Variants in TSEN2 observed in about 807,000 individuals in gnomAD.
The protein encoded by TSEN2 is tRNA splicing endonuclease subunit 2.
In TSEN2, 54 loss-of-function variants were observed where a neutral mutation model predicts 59.2. That is an observed-to-expected ratio of 0.91 (90% confidence interval 0.73 to 1.14). The LOEUF (loss-of-function observed/expected upper bound fraction) is 1.14. TSEN2 is among the 50% of genes most tolerant of loss of function. The pLI, the probability that TSEN2 is intolerant of heterozygous loss-of-function variation, is 0.00. For synonymous variants in TSEN2, 195 were observed against 198.2 expected, an observed-to-expected ratio of 0.98 and a Z score of 0.14; for missense variants, 636 against 576.2, an observed-to-expected ratio of 1.10 and a Z score of -1.06.
chr3:12,528,746 G>C (rs2057270162), intron 8 of TSEN2, 142 bp from the exon 9 acceptor site: 1 of 822,712 alleles, frequency 1.2e-6, no homozygotes. Context: ...GCATATTGCA[G>C]ATGATCTGTC....
chr3:12,526,209 G>GA (rs147499153), intron 8 of TSEN2, among the ~76,000 whole-genome samples: 286 of 152,080 alleles, frequency 1.9e-3, no homozygotes, highest in African/African-American at 6.5e-3. Context: ...TCTAAAGACA[G>GA]AAAAAAAGTG....
intron 2 of TSEN2, among the ~76,000 whole-genome samples, chr3:12,490,832 A>G (rs2053144179): frequency 6.6e-6 from 1 of 152,178 alleles, no homozygotes; most frequent in Non-Finnish European, 1.5e-5. Flanking sequence ...GACACTTGAT[A>G]GAAGAGTGGG....
intron 5 of TSEN2, 94 bp from the exon 6 acceptor site, chr3:12,505,060 G>A: frequency 3.7e-6 from 3 of 800,252 alleles, no homozygotes; most frequent in East Asian, 5.3e-5. Context: ...TGAATCCTGG[G>A]AATTTATAAG....
chr3:12,531,266 C>T (rs992509545), intron 10 of TSEN2: 7 of 313,094 alleles, frequency 2.2e-5, no homozygotes, highest in African/African-American at 8.6e-5. Context: ...ACTTAAAGTC[C>T]GTGTCCAAGA....
intron 8 of TSEN2, among the ~76,000 whole-genome samples, chr3:12,526,342 G>A (rs757834732): frequency 3.9e-5 from 6 of 152,100 alleles, no homozygotes; most frequent in East Asian, 1.9e-4. Context: ...ACAGGTATAC[G>A]GGTTTTCTCT....
intron 4 of TSEN2, among the ~76,000 whole-genome samples, chr3:12,498,350 G>A (rs922757514): frequency 1.4e-4 from 21 of 152,292 alleles, no homozygotes; most frequent in Admixed American, 3.3e-4. Context: ...TCACTAATAA[G>A]CAGGCCTGGC....
chr3:12,511,626 G>T (rs113101031), intron 6 of TSEN2, among the ~76,000 whole-genome samples: 1 of 150,836 alleles, frequency 6.6e-6, no homozygotes, highest in Non-Finnish European at 1.5e-5. Flanking sequence ...CAGTGCAGTG[G>T]TACAATATTG....
chr3:12,495,126 CAAAAAAAAAA>C (rs1160986136), intron 3 of TSEN2, among the ~76,000 whole-genome samples: 6 of 68,714 alleles, frequency 8.7e-5, no homozygotes, highest in Admixed American at 3.8e-4. Flanking sequence ...ACTCCGTCTC[CAAAAAAAAAA>C]AAAAAAAAAA....
chr3:12,530,780 A>G (rs2057406323), intron 10 of TSEN2: 1 of 983,714 alleles, frequency 1.0e-6, no homozygotes, highest in Non-Finnish European at 1.2e-6. Context: ...CTCACTTAAC[A>G]TTGTTGATAT....
At chr3:12,502,755 A>AAC (rs897849839) in intron 4 of TSEN2, among the ~76,000 whole-genome samples, 4 of 151,106 alleles carry the variant, frequency 2.6e-5, no homozygotes, top group Admixed American at 6.6e-5. Context: ...AACAAGAAGT[A>AAC]ACATATGCTT....
chr3:12,532,491 G>A (rs1423588894), intron 11 of TSEN2, among the ~76,000 whole-genome samples, 171 bp from the exon 12 acceptor site: 1 of 152,134 alleles, frequency 6.6e-6, no homozygotes, highest in Admixed American at 6.6e-5. Context: ...ATGCTTGTAA[G>A]GTTTATATTG....
chr3:12,519,527 C>T (rs184891408), intron 8 of TSEN2, among the ~76,000 whole-genome samples: 5 of 152,236 alleles, frequency 3.3e-5, no homozygotes, highest in East Asian at 1.9e-4. Flanking sequence ...GGGTGGATCA[C>T]GAGGTCAGGA....
chr3:12,504,658 GA>G (rs1396636481), intron 5 of TSEN2, among the ~76,000 whole-genome samples: 7 of 152,124 alleles, frequency 4.6e-5, no homozygotes, highest in Admixed American at 4.6e-4. Flanking sequence ...ATTCACAGGG[GA>G]AAAAGGAAAT....
chr3:12,510,134 T>C (rs2055278178), intron 6 of TSEN2, among the ~76,000 whole-genome samples: 1 of 152,224 alleles, frequency 6.6e-6, no homozygotes. Context: ...ACCATTGAAT[T>C]GAGGTATATC....
At chr3:12,495,126 C>CA (rs1160986136) in intron 3 of TSEN2, among the ~76,000 whole-genome samples, 843 of 68,066 alleles carry the variant, frequency 0.012, 15 homozygotes, top group Middle Eastern at 0.041. Flanking sequence ...ACTCCGTCTC[C>CA]AAAAAAAAAA....
intron 10 of TSEN2, chr3:12,538,689 G>T: frequency 6.4e-6 from 1 of 155,654 alleles, no homozygotes; most frequent in Non-Finnish European, 1.4e-5. Flanking sequence ...TCTGGAAGAA[G>T]TTTCCAAAGA....
At chr3:12,510,879 A>G (rs1370763289) in intron 6 of TSEN2, among the ~76,000 whole-genome samples, 1 of 152,212 alleles carries the variant, frequency 6.6e-6, no homozygotes, top group Non-Finnish European at 1.5e-5. Context: ...TAGCAAGAAT[A>G]TATACTTACA....
chr3:12,502,884 C>T (rs985807678), intron 4 of TSEN2, among the ~76,000 whole-genome samples: 1 of 151,640 alleles, frequency 6.6e-6, no homozygotes, highest in African/African-American at 2.4e-5. Context: ...CCATCCTGGC[C>T]AATATAGTGA....
At chr3:12,530,264 T>C in intron 10 of TSEN2, 1 of 1,006,742 alleles carries the variant, frequency 9.9e-7, no homozygotes, top group Non-Finnish European at 1.2e-6. Context: ...AGTTTGCAGA[T>C]CTCTTAGAGA....
Sources: allele counts gnomAD v4.1 joint callset (sites outside exome capture counted in the v4.1 genomes callset), GRCh38; gene constraint gnomAD v4.1.1; transcripts MANE v1.5; gene names NCBI Gene and HGNC (gene_info 2026-07-23, HGNC 2026-07-21).